FAM227B: variants seen among roughly 807,000 people sequenced by gnomAD.
FAM227B encodes protein FAM227B.
In FAM227B, 88 loss-of-function variants were observed where a neutral mutation model predicts 73.8. The observed-to-expected ratio is 1.19, with a 90% CI of 1.00 to 1.42. The LOEUF (loss-of-function observed/expected upper bound fraction) is 1.42, where lower values mean the gene tolerates loss of function less well. Ranked by LOEUF, FAM227B falls within the 40% of genes most tolerant of loss-of-function variation. The pLI is 0.00. For missense variants in FAM227B, 632 were observed against 590.9 expected, an observed-to-expected ratio of 1.07 and a Z score of -0.72; for synonymous variants, 210 against 190.5, an observed-to-expected ratio of 1.10 and a Z score of -0.84.
At chr15:49,425,310 T>G (rs930335427) in intron 11 of FAM227B, 2 of 152,016 alleles carry the variant, frequency 1.3e-5, no homozygotes, top group African/African-American at 4.8e-5. Flanking sequence ...GTTTTTCAAT[T>G]TAAAGCCTTA....
intron 13 of FAM227B, among the ~76,000 whole-genome samples, chr15:49,358,932 C>T (rs200370261): frequency 0.23 from 32,004 of 140,742 alleles, 4,191 homozygotes; most frequent in Non-Finnish European, 0.32. Flanking sequence ...GAAATAACGC[C>T]GCATATCTAC....
intron 11 of FAM227B, among the ~76,000 whole-genome samples, chr15:49,416,150 C>G (rs963031449): frequency 1.8e-5 from 2 of 109,522 alleles, no homozygotes; most frequent in Non-Finnish European, 3.5e-5. Context: ...CCCCACCCCC[C>G]ACCCCCCACC....
intron 11 of FAM227B, among the ~76,000 whole-genome samples, chr15:49,402,375 G>A (rs1310502818): frequency 6.6e-6 from 1 of 152,142 alleles, no homozygotes; most frequent in Non-Finnish European, 1.5e-5. Context: ...TGGGCCACAT[G>A]GCCATTTTCA....
intron 11 of FAM227B, among the ~76,000 whole-genome samples, chr15:49,376,380 C>G (rs950637289): frequency 6.6e-6 from 1 of 152,034 alleles, no homozygotes; most frequent in Admixed American, 6.6e-5. Flanking sequence ...AAAAATCATT[C>G]TTTTTACATT....
chr15:49,483,633 A>T (rs1436324895), intron 11 of FAM227B, among the ~76,000 whole-genome samples: 2 of 152,038 alleles, frequency 1.3e-5, no homozygotes, highest in Non-Finnish European at 2.9e-5. Context: ...TTGGGAAAAA[A>T]TCTTGAAATG....
At chr15:49,613,514 C>T (rs1335992603) in intron 2 of FAM227B, among the ~76,000 whole-genome samples, 1 of 151,904 alleles carries the variant, frequency 6.6e-6, no homozygotes, top group Non-Finnish European at 1.5e-5. Flanking sequence ...AACAAACGGA[C>T]AAATAAAAAC....
intron 3 of FAM227B, among the ~76,000 whole-genome samples, chr15:49,600,532 T>G (rs1337388543): frequency 7.3e-5 from 11 of 151,070 alleles, no homozygotes; most frequent in Non-Finnish European, 1.5e-5. Context: ...TGTCTGCCTG[T>G]GGTCCCAGCT....
intron 11 of FAM227B, among the ~76,000 whole-genome samples, chr15:49,459,391 T>C (rs1418337831): frequency 1.3e-5 from 2 of 152,224 alleles, no homozygotes; most frequent in African/African-American, 4.8e-5. Flanking sequence ...GTTTATTCCA[T>C]GAATTTTCTG....
chr15:49,591,020 C>T (rs868559355), intron 3 of FAM227B, among the ~76,000 whole-genome samples: 82 of 106,690 alleles, frequency 7.7e-4, no homozygotes, highest in East Asian at 2.6e-3. Context: ...TTCTCTTTCT[C>T]TTTTTTTTGT....
intron 15 of FAM227B, 52 bp from the exon 16 acceptor site, chr15:49,328,727 T>G (rs2037974616): frequency 6.6e-7 from 1 of 1,521,208 alleles, no homozygotes; most frequent in Admixed American, 2.1e-5. Context: ...GGACATTGTA[T>G]AATTGAATTT....
chr15:49,566,582 T>C, intron 9 of FAM227B, among the ~76,000 whole-genome samples: 1 of 152,214 alleles, frequency 6.6e-6, no homozygotes, highest in Non-Finnish European at 1.5e-5. Context: ...TTTATCTTCC[T>C]TAGGAAATAT....
At chr15:49,538,583 A>T (rs1035036833) in intron 10 of FAM227B, among the ~76,000 whole-genome samples, 2 of 152,152 alleles carry the variant, frequency 1.3e-5, no homozygotes, top group Admixed American at 6.5e-5. Context: ...TCATCTGAAA[A>T]GGTTGCAATG....
At chr15:49,550,838 TG>T (rs374173920) in intron 9 of FAM227B, among the ~76,000 whole-genome samples, 7,858 of 141,954 alleles carry the variant, frequency 0.055, 345 homozygotes, top group East Asian at 0.25. Flanking sequence ...TCCCAGACGA[TG>T]GGCGGCCAGG....
intron 13 of FAM227B, among the ~76,000 whole-genome samples, chr15:49,363,174 T>A (rs1219020856): frequency 6.6e-6 from 1 of 152,190 alleles, no homozygotes; most frequent in African/African-American, 2.4e-5. Flanking sequence ...TCATTGGTAG[T>A]TTGATAGGAA....
At chr15:49,500,374 C>T (rs1252670045) in intron 11 of FAM227B, among the ~76,000 whole-genome samples, 2 of 152,260 alleles carry the variant, frequency 1.3e-5, no homozygotes, top group East Asian at 3.8e-4. Context: ...CACAAAGCCA[C>T]AGGGGTGAAG....
intron 11 of FAM227B, among the ~76,000 whole-genome samples, chr15:49,478,594 G>A (rs1387732343): frequency 6.6e-6 from 1 of 152,004 alleles, no homozygotes; most frequent in East Asian, 1.9e-4. Flanking sequence ...ACATGCCAAA[G>A]AGGGTATATT....
chr15:49,585,624 T>C (rs1279771544), intron 5 of FAM227B, among the ~76,000 whole-genome samples: 3 of 151,646 alleles, frequency 2.0e-5, no homozygotes, highest in Non-Finnish European at 4.4e-5. Context: ...TTCTCACTTA[T>C]AGGTGGGAAT....
intron 9 of FAM227B, among the ~76,000 whole-genome samples, chr15:49,552,714 A>T (rs187727170): frequency 1.3e-5 from 2 of 151,818 alleles, no homozygotes. Flanking sequence ...GCCTATCTTC[A>T]AGCTCACTAA....
intron 13 of FAM227B, among the ~76,000 whole-genome samples, chr15:49,357,483 A>G (rs1203058031): frequency 6.6e-6 from 1 of 152,180 alleles, no homozygotes; most frequent in Admixed American, 6.5e-5. Context: ...TAGAAAATCT[A>G]GAAGAAATAA....
Sources: gnomAD v4.1 joint callset for allele counts (sites outside exome capture counted in the v4.1 genomes callset) on GRCh38, gnomAD v4.1.1 for gene constraint, MANE v1.5 for transcripts, NCBI Gene and HGNC (gene_info 2026-07-23, HGNC 2026-07-21) for gene names.